The following SCIN variants were observed in gnomAD, a reference collection of about 807,000 sequenced individuals.
SCIN encodes the protein scinderin, also known as adseverin.
In SCIN, 91 loss-of-function variants were observed where a neutral mutation model predicts 91.8. The ratio of observed to expected loss-of-function variants is 0.99; its 90% CI spans 0.84 to 1.18. The LOEUF is 1.18. SCIN is among the 50% of genes most tolerant of loss of function. The pLI, the probability that SCIN is intolerant of heterozygous loss-of-function variation, is 0.00. For synonymous variants in SCIN, 367 were observed against 312.6 expected (o/e 1.17, Z -1.84); for missense variants, 1,087 against 863.9 (o/e 1.26, Z -3.24).
At chr7:12,591,774 G>A (rs1015578848) in intron 3 of SCIN, among the ~76,000 whole-genome samples, 2 of 152,124 alleles carry the variant, frequency 1.3e-5, no homozygotes, top group African/African-American at 4.8e-5. Flanking sequence ...GAGGGTGGGG[G>A]TAGATTTTCT....
intron 3 of SCIN, among the ~76,000 whole-genome samples, chr7:12,597,065 A>G (rs540285164): frequency 6.6e-6 from 1 of 152,338 alleles, no homozygotes; most frequent in East Asian, 1.9e-4. Flanking sequence ...AAACACACAC[A>G]ATATCTTTCA....
intron 3 of SCIN, among the ~76,000 whole-genome samples, chr7:12,600,329 A>G (rs990604186): frequency 2.0e-5 from 3 of 152,178 alleles, no homozygotes; most frequent in African/African-American, 7.2e-5. Context: ...AGAATAATAC[A>G]TTGACATTGG....
intron 13 of SCIN, among the ~76,000 whole-genome samples, chr7:12,647,683 A>G (rs1783992716): frequency 6.6e-6 from 1 of 152,240 alleles, no homozygotes; most frequent in African/African-American, 2.4e-5. Context: ...TGATTGGTGT[A>G]TGTCCTCTAA....
chr7:12,586,267 G>A lies in SCIN; in HGVS notation c.516+5046G>A, dbSNP rs563740796. 4.6e-5 allele frequency among the ~76,000 whole-genome samples: 7 copies of A among 152,198 alleles called. No individual in the cohort carries two copies. In the East Asian group the frequency reaches 1.4e-3, roughly 29 times the overall value. On this transcript the variant is annotated intron_variant, in intron 3 of 15. Coordinates refer to ENST00000297029, the MANE Select transcript of SCIN (RefSeq NM_001112706.3). ...TTCTCAAGCTCCTATTTCCCCAGAAGGTTTAAAAATAATTTTGATTTATTG... is the reference window on the plus strand; with the variant it reads ...TTCTCAAGCTCCTATTTCCCCAGAAAGTTTAAAAATAATTTTGATTTATTG...
chr7:12,623,580 TAAG>T (rs1009311865), intron 5 of SCIN, among the ~76,000 whole-genome samples: 2 of 152,190 alleles, frequency 1.3e-5, no homozygotes, highest in African/African-American at 2.4e-5. Flanking sequence ...ACACTCCAGT[TAAG>T]GAGGTTGCTA....
intron 3 of SCIN, among the ~76,000 whole-genome samples, chr7:12,582,218 C>T (rs1459705504): frequency 2.0e-5 from 3 of 152,184 alleles, no homozygotes; most frequent in Non-Finnish European, 2.9e-5. Context: ...CCCCACGAAG[C>T]ATTTTGTTTT....
chr7:12,593,371 G>A (rs554173376), intron 3 of SCIN, among the ~76,000 whole-genome samples: 15 of 152,214 alleles, frequency 9.9e-5, no homozygotes, highest in Admixed American at 8.5e-4. Context: ...TGTGGGGTTT[G>A]AGAGCCATCT....
chr7:12,590,241 G>A (rs986589025), intron 3 of SCIN, among the ~76,000 whole-genome samples: 8 of 152,192 alleles, frequency 5.3e-5, no homozygotes, highest in African/African-American at 1.9e-4. Flanking sequence ...GTGTCTATAA[G>A]AGTAAGAATA....
chr7:12,579,775 G>A (rs750417348), intron 2 of SCIN, among the ~76,000 whole-genome samples: 1 of 152,116 alleles, frequency 6.6e-6, no homozygotes, highest in Non-Finnish European at 1.5e-5. Flanking sequence ...TTAACTGGGC[G>A]TGGTGACATG....
In SCIN at chr7:12,605,053, T is replaced by G. The variant is rs191651366; in HGVS notation, c.666+390T>G. Among the ~76,000 whole-genome samples the G allele has an allele frequency of 4.9e-3, 739 of 152,172 alleles. 9 individuals are homozygous for G. Among genetic ancestry groups the G allele is most frequent in the African/African-American group, 0.017 (705 of 41,482 alleles). Reference sequence around the variant, plus strand: ...CTCAGGGTTTTACTTGTTTTTTGTTTTTTTGTTTTTGTTTTTGAGACGGAG... The same window carrying G: ...CTCAGGGTTTTACTTGTTTTTTGTTGTTTTGTTTTTGTTTTTGAGACGGAG... On this transcript the variant is annotated intron_variant, in intron 4 of 15. Coordinates refer to ENST00000297029, the MANE Select transcript of SCIN (RefSeq NM_001112706.3).
chr7:12,603,035 C>T (rs892536870), intron 3 of SCIN, among the ~76,000 whole-genome samples: 1 of 152,144 alleles, frequency 6.6e-6, no homozygotes, highest in Non-Finnish European at 1.5e-5. Context: ...CCAGTCCCTC[C>T]GTTTGGGGTC....
At chr7:12,637,670 GTGAGAGGGAGGAGAGAT>G (rs1253333622) in intron 10 of SCIN, among the ~76,000 whole-genome samples, 2 of 151,946 alleles carry the variant, frequency 1.3e-5, no homozygotes, top group East Asian at 1.9e-4. Flanking sequence ...AGAGGATAGT[GTGAGAGGGAGGAGAGAT>G]TGAGAGGGAG....
intron 7 of SCIN, 74 bp from the exon 8 acceptor site, chr7:12,626,510 C>T: frequency 8.7e-7 from 1 of 1,144,766 alleles, no homozygotes; most frequent in Non-Finnish European, 1.2e-6. Flanking sequence ...TTACTTTTGT[C>T]TCCACTGCCA....
At chr7:12,633,104 G>C (rs1318962897) in intron 9 of SCIN, among the ~76,000 whole-genome samples, 4 of 152,130 alleles carry the variant, frequency 2.6e-5, no homozygotes, top group Non-Finnish European at 4.4e-5. Context: ...CAACTTTCCA[G>C]TTTATGTGAT....
intron 1 of SCIN, among the ~76,000 whole-genome samples, chr7:12,574,760 A>G (rs1233775945): frequency 6.6e-6 from 1 of 152,110 alleles, no homozygotes; most frequent in African/African-American, 2.4e-5. Flanking sequence ...AAACCTTAGT[A>G]TCAGGTAGAG....
chr7:12,639,491 A>C (rs1002417994), intron 10 of SCIN, among the ~76,000 whole-genome samples: 1 of 152,228 alleles, frequency 6.6e-6, no homozygotes, highest in Non-Finnish European at 1.5e-5. Context: ...AGACAGTTCA[A>C]TTTTAGCACA....
intron 14 of SCIN, 122 bp downstream of exon 14, chr7:12,649,666 A>C (rs1428241968): frequency 7.9e-6 from 4 of 506,908 alleles, no homozygotes; most frequent in Non-Finnish European, 6.9e-6. Flanking sequence ...GTATTTAAAA[A>C]ACACACACAC....
At chr7:12,616,066 G>C (rs1783293782) in intron 4 of SCIN, among the ~76,000 whole-genome samples, 1 of 151,992 alleles carries the variant, frequency 6.6e-6, no homozygotes, top group African/African-American at 2.4e-5. Flanking sequence ...TCATTATAGG[G>C]GTGCCCTATT....
At chr7:12,647,169 G>C (rs577045432) in intron 13 of SCIN, among the ~76,000 whole-genome samples, 1 of 152,182 alleles carries the variant, frequency 6.6e-6, no homozygotes, top group South Asian at 2.1e-4. Context: ...TGTTCTCAGT[G>C]TGTTTAAAGA....
Sources: allele counts gnomAD v4.1 joint callset (sites outside exome capture counted in the v4.1 genomes callset), GRCh38; gene constraint gnomAD v4.1.1; transcripts MANE v1.5; gene names NCBI Gene and HGNC (gene_info 2026-07-23, HGNC 2026-07-21).